LRRC9: variants seen among roughly 807,000 people sequenced by gnomAD.
The protein encoded by LRRC9 is leucine-rich repeat-containing protein 9.
In LRRC9, 122 loss-of-function variants were observed where a neutral mutation model predicts 63.2. The ratio of observed to expected loss-of-function variants is 1.93; its 90% CI spans 1.67 to 2.24. The LOEUF (loss-of-function observed/expected upper bound fraction) is 2.24, where lower values mean the gene tolerates loss of function less well. LRRC9 is among the 30% of genes most tolerant of loss of function. LRRC9 has a pLI of 0.00. For missense variants in LRRC9, 1,071 were observed against 627.7 expected (o/e 1.71, Z -7.55); for synonymous variants, 366 against 213.1 (o/e 1.72, Z -6.25).
At chr14:59,981,638 T>A (rs553680910) in intron 15 of LRRC9, among the ~76,000 whole-genome samples, 11 of 152,274 alleles carry the variant, frequency 7.2e-5, no homozygotes, top group African/African-American at 2.6e-4. Context: ...TTCTGCCAGT[T>A]TTAAGAAATG....
intron 29 of LRRC9, among the ~76,000 whole-genome samples, chr14:60,052,131 A>G (rs1243464567): frequency 6.6e-6 from 1 of 152,162 alleles, no homozygotes; most frequent in African/African-American, 2.4e-5. Flanking sequence ...ATCTTGGCCC[A>G]CATTCAGGTC....
rs1237561195 is a variant in LRRC9, at chr14:59,997,858, G to A, written c.2403+11G>A. 2 of 654,516 alleles carry A rather than the reference G, an allele frequency of 3.1e-6. No homozygotes were observed. The highest frequency in any genetic ancestry group is 5.6e-6 in the Non-Finnish European group (2 of 359,308). 40.5% of individuals were successfully genotyped at this position (654,516 alleles called of 1,614,324 possible). A position where few individuals can be genotyped will look rare whatever the true frequency, so the allele number is the denominator to read the frequency against. On this transcript the variant is annotated intron_variant, in intron 18 of 31. Transcript: ENST00000445360. ...AATCCATGGCAAAAGGTATGCCACA[G>A]ACATGTTACTAAAAAGCAAACATTT...
intron 21 of LRRC9, among the ~76,000 whole-genome samples, chr14:60,005,716 G>A (rs192479216): frequency 2.6e-4 from 39 of 152,112 alleles, no homozygotes; most frequent in South Asian, 1.0e-3. Flanking sequence ...TAGTATGCCC[G>A]TTTTATGGAT....
intron 18 of LRRC9, among the ~76,000 whole-genome samples, chr14:59,998,051 A>G (rs912697312): frequency 6.6e-6 from 1 of 152,106 alleles, no homozygotes; most frequent in Non-Finnish European, 1.5e-5. Flanking sequence ...TATAATTTCA[A>G]AACAGATTTT....
At chr14:59,996,025 C>T (rs1460264259) in intron 17 of LRRC9, among the ~76,000 whole-genome samples, 1 of 152,180 alleles carries the variant, frequency 6.6e-6, no homozygotes, top group East Asian at 1.9e-4. Context: ...CAGGCGTGAG[C>T]CACCGGGCCC....
intron 8 of LRRC9, among the ~76,000 whole-genome samples, chr14:59,947,358 GTT>G (rs1345334091): frequency 4.4e-5 from 5 of 112,364 alleles, no homozygotes; most frequent in Admixed American, 1.8e-4. Flanking sequence ...GGGGTTGTTT[GTT>G]TTTTTCTTGT....
intron 15 of LRRC9, among the ~76,000 whole-genome samples, chr14:59,981,053 G>A (rs1170247759): frequency 1.3e-5 from 2 of 151,522 alleles, no homozygotes; most frequent in African/African-American, 4.9e-5. Context: ...TTAAATATCG[G>A]GTGTTCCAAA....
chr14:60,046,412 A>G (rs1017853940), intron 29 of LRRC9, among the ~76,000 whole-genome samples: 5 of 152,158 alleles, frequency 3.3e-5, no homozygotes, highest in African/African-American at 9.7e-5. Context: ...TGGATTTTAC[A>G]TTAAAGTTTT....
intron 2 of LRRC9, 120 bp downstream of exon 2, chr14:59,928,111 G>T: frequency 1.7e-6 from 1 of 571,642 alleles, no homozygotes; most frequent in Non-Finnish European, 3.1e-6. Context: ...AGTGACTTTG[G>T]GAAGCAGAGA....
At chr14:59,925,358 C>A (rs1889123899) in intron 1 of LRRC9, among the ~76,000 whole-genome samples, 1 of 152,138 alleles carries the variant, frequency 6.6e-6, no homozygotes, top group Non-Finnish European at 1.5e-5. Context: ...CACGATGATG[C>A]CTTGAAGTCT....
intron 28 of LRRC9, among the ~76,000 whole-genome samples, chr14:60,028,880 T>G (rs1376825933): frequency 6.6e-6 from 1 of 152,156 alleles, no homozygotes; most frequent in African/African-American, 2.4e-5. Context: ...TAATAGGTAC[T>G]CCATAAATGT....
chr14:60,024,826 C>T (rs1330736456), intron 27 of LRRC9, among the ~76,000 whole-genome samples: 1 of 151,850 alleles, frequency 6.6e-6, no homozygotes, highest in Non-Finnish European at 1.5e-5. Context: ...ACCCCCCTCC[C>T]ATTCTCCCCC....
At chr14:60,064,368 C>T (rs1004334633), downstream of LRRC9, among the ~76,000 whole-genome samples, 4 of 152,084 alleles carry the variant, frequency 2.6e-5, no homozygotes, top group African/African-American at 7.2e-5. Flanking sequence ...CAACAGTACA[C>T]ATAGTTTCAT....
chr14:59,979,805 T>C, intron 15 of LRRC9, among the ~76,000 whole-genome samples: 1 of 98,216 alleles, frequency 1.0e-5, no homozygotes, highest in African/African-American at 4.0e-5. Flanking sequence ...CATCACACTC[T>C]GGGGACTGTT....
chr14:59,974,779 G>A (rs993823373), intron 13 of LRRC9, 71 bp downstream of exon 13: 21 of 526,672 alleles, frequency 4.0e-5, no homozygotes, highest in Middle Eastern at 8.8e-4. Flanking sequence ...TTTTTATATC[G>A]TTTCTGATAC....
chr14:59,966,853 A>T lies in LRRC9; in HGVS notation c.1388+88A>T, dbSNP rs1884911194. The T allele has an allele frequency of 1.8e-6, 1 of 569,662 alleles. No individual in the cohort carries two copies. The highest frequency in any genetic ancestry group is 3.1e-6 in the Non-Finnish European group (1 of 319,268). 35.3% of individuals were successfully genotyped at this position (569,662 alleles called of 1,614,324 possible). A position where few individuals can be genotyped will look rare whatever the true frequency, so the allele number is the denominator to read the frequency against. On this transcript the variant is annotated intron_variant, in intron 11 of 31. Transcript: ENST00000445360. This position sits in a 1 kb window ranked among gnomAD's most constrained non-coding sequence, Gnocchi z 4.0. ...TATTTTAAAAGTTTACAGCATTAAA[A>T]ATATACATATACCTTGTTAGTAAAT...
chr14:60,022,101 A>G (rs1178802734), intron 26 of LRRC9, among the ~76,000 whole-genome samples: 1 of 151,800 alleles, frequency 6.6e-6, no homozygotes, highest in Admixed American at 6.6e-5. Flanking sequence ...CATTTTAGTA[A>G]TATGGAATCT....
chr14:60,006,511 A>G (rs1367899187), exon 22 of LRRC9: 1 of 701,972 alleles, frequency 1.4e-6, no homozygotes, highest in African/African-American at 1.7e-5. Context: ...TCTCTTGAGA[A>G]CAACAGAATC....
At chr14:59,931,986 A>G (rs1221637773) in exon 6 of LRRC9, 2 of 700,504 alleles carry the variant, frequency 2.9e-6, no homozygotes, top group East Asian at 5.4e-5. Context: ...TCTTGACTCC[A>G]ATGAACAACT....
Sources: gnomAD v4.1 joint callset for allele counts (sites outside exome capture counted in the v4.1 genomes callset) on GRCh38, gnomAD v4.1.1 for gene constraint, Gnocchi (gnomAD v3.1) non-coding constraint, MANE v1.5 for transcripts, NCBI Gene and HGNC (gene_info 2026-07-23, HGNC 2026-07-21) for gene names.